The following MDN1 variants were observed in gnomAD, a reference collection of about 807,000 sequenced individuals.
MDN1 encodes midasin AAA ATPase 1.
Under a neutral mutation model 669.2 loss-of-function variants are expected in MDN1, and 266 were observed. The ratio of observed to expected loss-of-function variants is 0.40; its 90% CI spans 0.36 to 0.44. The LOEUF (loss-of-function observed/expected upper bound fraction) is 0.44, where lower values mean the gene tolerates loss of function less well. MDN1 is among the 20% of genes least tolerant of loss of function. MDN1 has a pLI of 1.00. For missense variants in MDN1, 5,940 were observed against 6,754.0 expected (o/e 0.88, Z 4.22); for synonymous variants, 2,385 against 2,457.1 (o/e 0.97, Z 0.87).
intron 37 of MDN1, 123 bp downstream of exon 37, chr6:89,727,710 A>G (rs1050558585): frequency 6.8e-7 from 1 of 1,472,786 alleles, no homozygotes; most frequent in African/African-American, 1.4e-5. Context: ...GGATCTTTTC[A>G]TTAGAGAAAA....
chr6:89,702,855 C>T (rs918113107), intron 53 of MDN1, among the ~76,000 whole-genome samples: 5 of 151,890 alleles, frequency 3.3e-5, no homozygotes, highest in African/African-American at 1.2e-4. Context: ...TTTCTTTTAG[C>T]CAGCTCATAG....
intron 87 of MDN1, 57 bp downstream of exon 87, chr6:89,662,030 A>G: frequency 6.4e-7 from 1 of 1,555,738 alleles, no homozygotes; most frequent in Non-Finnish European, 8.7e-7. Flanking sequence ...AGAACTATAC[A>G]GCTCAAGAGC....
intron 90 of MDN1, among the ~76,000 whole-genome samples, chr6:89,657,041 A>G (rs1279651706): frequency 6.6e-6 from 1 of 152,244 alleles, no homozygotes; most frequent in African/African-American, 2.4e-5. Flanking sequence ...AAGGCTGCTT[A>G]GTTCTTTGCA....
At chr6:89,723,335 AG>A (rs1373370570) in intron 39 of MDN1, among the ~76,000 whole-genome samples, 176 bp downstream of exon 39, 1 of 152,254 alleles carries the variant, frequency 6.6e-6, no homozygotes, top group African/African-American at 2.4e-5. Flanking sequence ...GTCACAATAC[AG>A]AAATGAATTA....
Position 89,743,674 on chromosome 6 carries a change from C to T in MDN1, c.4219G>A (p.Ala1407Thr), listed in dbSNP as rs781708973. The T allele has an allele frequency of 1.2e-6, 2 of 1,614,108 alleles. No individual in the cohort carries two copies. Among genetic ancestry groups the T allele is most frequent in the South Asian group, 2.2e-5 (2 of 91,074 alleles). The part of the protein sequence containing the change: ...TTICQVFAAL[A>T]NQKLYSVSCH... ...CTGACAGAGTATAATTTCTGATTTGCCAAGGCTGCAAATACCTGACAGATA... is the reference window on the plus strand; with the variant it reads ...CTGACAGAGTATAATTTCTGATTTGTCAAGGCTGCAAATACCTGACAGATA... The change falls in exon 30 of 102, where the codon GCA becomes ACA. Residue 1407 changes from alanine (A) to threonine (T), a missense_variant. Ala to Thr is a moderately conservative substitution (Grantham distance 58, BLOSUM62 0). Around this residue, in one of 5 missense-constraint regions of MDN1, gnomAD observed 2,292 missense variants for 2,638.3 expected, o/e 0.87. Transcript: ENST00000369393.
In MDN1 at chr6:89,781,608, A is replaced by G. The variant is rs753894682; in HGVS notation, c.1450-16T>C. The G allele has an allele frequency of 1.9e-6, 3 of 1,542,450 alleles. No individual in the cohort carries two copies. Among genetic ancestry groups the G allele is most frequent in the Non-Finnish European group, 2.6e-6 (3 of 1,144,382 alleles). On this transcript the variant is annotated splice_polypyrimidine_tract_variant and intron_variant, in intron 9 of 101. Transcript: ENST00000369393. ...TCTGAAGAACCTGACAGAGGGGGAA[A>G]AAAAAGAAAATTTAACAGCCAGCAT...
At chr6:89,719,064 G>C (rs748429386) in intron 41 of MDN1, 34 bp from the exon 42 acceptor site, 1 of 1,613,764 alleles carries the variant, frequency 6.2e-7, no homozygotes, top group East Asian at 2.2e-5. Flanking sequence ...TTCCATAAGC[G>C]TGCCTGGTAG....
At chr6:89,663,954 A>AG (rs1453025827) in intron 85 of MDN1, among the ~76,000 whole-genome samples, 2 of 151,410 alleles carry the variant, frequency 1.3e-5, no homozygotes, top group Non-Finnish European at 3.0e-5. Context: ...AAAAAAAAAA[A>AG]AAGAAAGAAA....
At position 89,790,410 on chromosome 6, in the gene MDN1, G is replaced by A. The variant is rs770436783; in HGVS notation, c.856-9C>T. ...GAACTCCTATTACCACCCTAAAGAG[G>A]CAAGACAAAAGCCATGTCAAGAAGA... On this transcript the variant is annotated splice_polypyrimidine_tract_variant and intron_variant, in intron 5 of 101. Transcript: ENST00000369393. The A allele has an allele frequency of 1.9e-6, 3 of 1,613,514 alleles. No homozygotes were observed. The highest frequency in any genetic ancestry group is 4.5e-5 in the East Asian group (2 of 44,878).
Position 89,680,084 on chromosome 6 carries a change from C to T in MDN1, c.12265+505G>A, listed in dbSNP as rs138148036. 3.7e-3 allele frequency among the ~76,000 whole-genome samples: 557 copies of T among 152,326 alleles called. 2 individuals are homozygous for T. Among genetic ancestry groups the T allele is most frequent in the African/African-American group, 0.013 (527 of 41,574 alleles). On this transcript the variant is annotated intron_variant, in intron 74 of 101. Transcript: ENST00000369393. ...AGTCAGAGGCTGCCAGGGGCCCAAA[C>T]ATTCTATTAAATTCTGGGTTCCCTT... is the stretch of plus-strand genomic sequence containing the variant.
chr6:89,647,560 G>A (rs1268682652), intron 99 of MDN1, among the ~76,000 whole-genome samples: 1 of 152,188 alleles, frequency 6.6e-6, no homozygotes, highest in Admixed American at 6.5e-5. Flanking sequence ...TTGAGGAACT[G>A]AGAAAAAGAA....
chr6:89,781,314 G>T, intron 10 of MDN1, 85 bp downstream of exon 10: 1 of 1,360,112 alleles, frequency 7.4e-7, no homozygotes, highest in Non-Finnish European at 1.0e-6. Context: ...CTGCACCACT[G>T]CACTCCAGCC....
intron 22 of MDN1, 106 bp from the exon 23 acceptor site, chr6:89,751,688 C>T: frequency 8.5e-7 from 1 of 1,180,214 alleles, no homozygotes; most frequent in African/African-American, 1.5e-5. Flanking sequence ...TCTTGTTCTG[C>T]ATACTTTCAA....
chr6:89,721,325 C>A (rs1814805976), intron 40 of MDN1, among the ~76,000 whole-genome samples: 1 of 152,206 alleles, frequency 6.6e-6, no homozygotes, highest in South Asian at 2.1e-4. Context: ...CATTGGCACA[C>A]AGGCATTAGA....
chr6:89,756,932 A>C (rs1383367740), intron 19 of MDN1, among the ~76,000 whole-genome samples: 1 of 152,102 alleles, frequency 6.6e-6, no homozygotes, highest in Non-Finnish European at 1.5e-5. Context: ...AAAAAAAAAA[A>C]AAGATACAAA....
At chr6:89,764,836 C>A (rs1817724547) in intron 15 of MDN1, among the ~76,000 whole-genome samples, 1 of 152,202 alleles carries the variant, frequency 6.6e-6, no homozygotes, top group African/African-American at 2.4e-5. Context: ...AAGGGCTATA[C>A]AAACCAAACA....
chr6:89,761,762 A>G lies in MDN1; in HGVS notation c.2357-14T>C, dbSNP rs1182574767. ...TTATGAGTAACCCTAAAAAAGAAAG[A>G]CAAGAATTCAGCACACATTTTGAAT... is the stretch of plus-strand genomic sequence containing the variant. On this transcript the variant is annotated splice_polypyrimidine_tract_variant and intron_variant, in intron 16 of 101. Transcript: ENST00000369393. 2 of 1,539,580 alleles carry G rather than the reference A, an allele frequency of 1.3e-6. No individual in the cohort carries two copies. The highest frequency in any genetic ancestry group is 1.8e-6 in the Non-Finnish European group (2 of 1,118,752).
chr6:89,806,029 C>T (rs1226442844), intron 1 of MDN1, among the ~76,000 whole-genome samples: 1 of 152,080 alleles, frequency 6.6e-6, no homozygotes, highest in African/African-American at 2.4e-5. Context: ...GCGCACCCTC[C>T]CAAGCTCAAG....
At chr6:89,736,626 CA>C (rs55799103) in intron 33 of MDN1, among the ~76,000 whole-genome samples, 133,563 of 150,450 alleles carry the variant, frequency 0.89, 59,554 homozygotes, top group East Asian at 0.99. Flanking sequence ...CCCCATCTCT[CA>C]AAAAAAAAAC....
Sources: gnomAD v4.1 joint callset for allele counts (sites outside exome capture counted in the v4.1 genomes callset) on GRCh38, gnomAD v4.1.1 for gene constraint, gnomAD v4.1.1 regional missense constraint, MANE v1.5 for transcripts, NCBI Gene and HGNC (gene_info 2026-07-23, HGNC 2026-07-21) for gene names.